Variants in CFAP221 observed in about 807,000 individuals in gnomAD.
CFAP221 encodes cilia and flagella associated protein 221.
CFAP221 carries 97 observed loss-of-function variants against 113.1 expected under a neutral mutation model. That is an observed-to-expected ratio of 0.86 (90% CI 0.73 to 1.02). The LOEUF (loss-of-function observed/expected upper bound fraction) is 1.02, where lower values mean the gene tolerates loss of function less well. CFAP221 is among the 50% of genes least tolerant of loss of function. The probability of loss-of-function intolerance (pLI) is 0.00; values close to 1 mark genes in which losing one functional copy is unlikely to be tolerated. For synonymous variants in CFAP221, 331 were observed against 354.4 expected, an observed-to-expected ratio of 0.93 and a Z score of 0.74; for missense variants, 1,025 against 1,013.4, an observed-to-expected ratio of 1.01 and a Z score of -0.16.
At chr2:119,645,758 A>C (rs1004875285) in intron 21 of CFAP221, among the ~76,000 whole-genome samples, 2 of 152,102 alleles carry the variant, frequency 1.3e-5, no homozygotes, top group African/African-American at 4.8e-5. Context: ...CAGCCTTTCC[A>C]GCATCTGTGA....
rs774066877 is a variant in CFAP221 at position 119,549,186 on chromosome 2, G to T, written c.240+1G>T. 2 of 1,522,236 alleles carry T rather than the reference G, an allele frequency of 1.3e-6. No individual in the cohort carries two copies. The highest frequency in any genetic ancestry group is 1.2e-5 in the South Asian group (1 of 81,750). 94.3% of individuals were successfully genotyped at this position (1,522,236 alleles called of 1,614,324 possible). A position where few individuals can be genotyped will look rare whatever the true frequency, so the allele number is the denominator to read the frequency against. On this transcript the variant is annotated splice_donor_variant, in intron 3 of 23. Coordinates refer to ENST00000413369, the MANE Select transcript of CFAP221 (RefSeq NM_001271049.2). LOFTEE classifies it high-confidence loss of function. ...AGAAAAACAACACCAACAGATTCTGGTAGGTACTTTTTAAATGGGATAATT... is the reference window on the plus strand; with the variant it reads ...AGAAAAACAACACCAACAGATTCTGTTAGGTACTTTTTAAATGGGATAATT...
At chr2:119,599,981 A>T (rs553913549) in intron 7 of CFAP221, among the ~76,000 whole-genome samples, 1 of 152,198 alleles carries the variant, frequency 6.6e-6, no homozygotes, top group South Asian at 2.1e-4. Flanking sequence ...AAGATTCAGG[A>T]AGTGAATGGA....
At chr2:119,567,971 G>T (rs1300577522) in intron 6 of CFAP221, among the ~76,000 whole-genome samples, 1 of 151,828 alleles carries the variant, frequency 6.6e-6, no homozygotes, top group African/African-American at 2.4e-5. Flanking sequence ...TTTAGTGGTT[G>T]CCCTAGAGTT....
At chr2:119,656,291 C>T in intron 23 of CFAP221, 71 bp from the exon 24 acceptor site, 1 of 1,241,842 alleles carries the variant, frequency 8.1e-7, no homozygotes, top group Non-Finnish European at 1.2e-6. Flanking sequence ...ACCAGCACTG[C>T]TGGCGGGGGG....
At chr2:119,555,758 A>G (rs948066731) in intron 3 of CFAP221, among the ~76,000 whole-genome samples, 3 of 152,230 alleles carry the variant, frequency 2.0e-5, no homozygotes, top group African/African-American at 7.2e-5. Flanking sequence ...ACCCTGTGGC[A>G]TGGACAGTAC....
chr2:119,597,563 A>G (rs1258181402), intron 7 of CFAP221, among the ~76,000 whole-genome samples: 1 of 152,240 alleles, frequency 6.6e-6, no homozygotes, highest in African/African-American at 2.4e-5. Flanking sequence ...GAATGTTACC[A>G]GTAGAGGGTG....
chr2:119,551,223 T>C (rs1252462137), intron 3 of CFAP221, among the ~76,000 whole-genome samples: 2 of 152,238 alleles, frequency 1.3e-5, no homozygotes, highest in African/African-American at 4.8e-5. Context: ...ATTCATGGGC[T>C]TGCTTTTGTG....
At chr2:119,567,245 C>T (rs1032792085) in intron 6 of CFAP221, among the ~76,000 whole-genome samples, 1 of 122,318 alleles carries the variant, frequency 8.2e-6, no homozygotes, top group Non-Finnish European at 1.7e-5. Context: ...AGTATTTTCA[C>T]TGCTCTAAAA....
intron 6 of CFAP221, among the ~76,000 whole-genome samples, chr2:119,576,910 C>CA (rs1309352505): frequency 1.3e-5 from 2 of 152,204 alleles, no homozygotes; most frequent in Non-Finnish European, 2.9e-5. Context: ...CTGAATATAG[C>CA]AATTTATATC....
At position 119,647,028 on chromosome 2, in the gene CFAP221, GA is replaced by G. The variant is rs1470577407; in HGVS notation, c.2297del (p.Asp766AlafsTer3). On this transcript the variant is annotated frameshift_variant, in exon 22 of 24. Coordinates refer to ENST00000413369, the MANE Select transcript of CFAP221 (RefSeq NM_001271049.2). LOFTEE classifies it high-confidence loss of function. ...CATCCTTGATGCCTTACCAGAAGAG[GA>G]CAGACTAGAAACAGTAGAACGGTAT... ...PAILDALPEEDRLETVERELC... is the reference protein window; with the variant it reads ...PAILDALPEEXRLETVERELC... 6 of 1,611,374 alleles carry G rather than the reference GA, an allele frequency of 3.7e-6. No homozygotes were observed. In the South Asian group the frequency reaches 6.6e-5, roughly 18 times the overall value.
intron 3 of CFAP221, among the ~76,000 whole-genome samples, chr2:119,557,728 C>T (rs1177689792): frequency 1.3e-5 from 2 of 152,072 alleles, no homozygotes; most frequent in Non-Finnish European, 2.9e-5. Flanking sequence ...AAGCCAGGCA[C>T]GGTGGCTTAC....
downstream of CFAP221, among the ~76,000 whole-genome samples, chr2:119,657,715 C>T (rs1688487302): frequency 6.6e-6 from 1 of 152,218 alleles, no homozygotes; most frequent in Non-Finnish European, 1.5e-5. Flanking sequence ...GTGTCCCCTT[C>T]TTCTCCTCAT....
rs767629406 is a variant in CFAP221, at chr2:119,646,987, C to T, written c.2255C>T (p.Pro752Leu). The change falls in exon 22 of 24, where the codon CCG becomes CTG. Residue 752 changes from proline to leucine, a missense_variant. Coordinates refer to ENST00000413369, the MANE Select transcript of CFAP221 (RefSeq NM_001271049.2). ...SCDSFNSFML[P>L]IDVPAILDAL... is the part of the protein sequence containing the mutation. ...GATTCCTTCAATTCATTTATGCTTC[C>T]GATAGACGTCCCTGCCATCCTTGAT... The T allele has an allele frequency of 5.6e-6, 9 of 1,613,690 alleles. No individual in the cohort carries two copies. The highest frequency in any genetic ancestry group is 1.7e-5 in the Admixed American group (1 of 59,976).
intron 21 of CFAP221, among the ~76,000 whole-genome samples, chr2:119,643,597 T>G (rs1166350220): frequency 6.6e-6 from 1 of 152,116 alleles, no homozygotes; most frequent in East Asian, 1.9e-4. Context: ...CAGGCTGGAG[T>G]GCAGTGGCAC....
intron 6 of CFAP221, among the ~76,000 whole-genome samples, chr2:119,575,502 A>G (rs907112708): frequency 6.6e-5 from 10 of 152,180 alleles, no homozygotes; most frequent in African/African-American, 2.4e-4. Flanking sequence ...TCAGTATTTT[A>G]TACTGTATAA....
Position 119,587,547 on chromosome 2 carries a change from G to T in CFAP221, c.631+325G>T, listed in dbSNP as rs117843539. On this transcript the variant is annotated intron_variant, in intron 7 of 23. Coordinates refer to ENST00000413369, the MANE Select transcript of CFAP221 (RefSeq NM_001271049.2). ...TAAAATAGGAATCTTCTTTCTTCCA[G>T]AGCTTTCAGAATCTTAGTGAAGGGT... Among the ~76,000 whole-genome samples the T allele has an allele frequency of 1.1e-3, 170 of 152,252 alleles. 1 individual carries two copies. Among genetic ancestry groups the T allele is most frequent in the East Asian group, 0.01 (52 of 5,190 alleles).
rs561360285 is a variant in CFAP221 at position 119,639,385 on chromosome 2, C to G, written c.2134-396C>G. On this transcript the variant is annotated intron_variant, in intron 20 of 23. Coordinates refer to ENST00000413369, the MANE Select transcript of CFAP221 (RefSeq NM_001271049.2). The stretch of plus-strand genomic sequence containing the variant: ...CAGCCGGGGGTCTCCTTGCAGCGCT[C>G]GCCTCCCACGTGGCGCGCGTGTGCA... 4.7e-4 allele frequency among the ~76,000 whole-genome samples: 71 copies of G among 152,324 alleles called. No homozygotes were observed. The East Asian group carries it at 7.5e-3, about 16-fold the overall frequency.
At chr2:119,617,627 C>T (rs1685619016) in intron 14 of CFAP221, among the ~76,000 whole-genome samples, 2 of 152,206 alleles carry the variant, frequency 1.3e-5, no homozygotes, top group Admixed American at 1.3e-4. Flanking sequence ...CAATGTGTCG[C>T]CAGCCAATTC....
At chr2:119,556,422 G>A (rs1371108579) in intron 3 of CFAP221, among the ~76,000 whole-genome samples, 1 of 152,042 alleles carries the variant, frequency 6.6e-6, no homozygotes, top group Admixed American at 6.5e-5. Context: ...AACAATTCCA[G>A]TTCAAGAATC....
Sources: gnomAD v4.1 joint callset for allele counts (sites outside exome capture counted in the v4.1 genomes callset) on GRCh38, gnomAD v4.1.1 for gene constraint, MANE v1.5 for transcripts, NCBI Gene and HGNC (gene_info 2026-07-23, HGNC 2026-07-21) for gene names.